The following PACSIN2 variants were observed in gnomAD, a reference collection of about 807,000 sequenced individuals.
The protein encoded by PACSIN2 is protein kinase C and casein kinase substrate in neurons 2.
A neutral mutation model predicts 63.8 loss-of-function variants in PACSIN2; 25 were observed. That is an observed-to-expected ratio of 0.39 (90% CI 0.29 to 0.55). The LOEUF is 0.55. Among genes scored for constraint, PACSIN2 ranks in the 20% least tolerant of loss-of-function variants. The probability of loss-of-function intolerance (pLI) is 0.62; values close to 1 mark genes in which losing one functional copy is unlikely to be tolerated. For synonymous variants in PACSIN2, 255 were observed against 256.2 expected (o/e 1.00, Z 0.05); for missense variants, 518 against 646.9 (o/e 0.80, Z 2.16).
intron 1 of PACSIN2, among the ~76,000 whole-genome samples, chr22:42,963,015 G>C (rs944952902): frequency 6.6e-6 from 1 of 152,184 alleles, no homozygotes; most frequent in Non-Finnish European, 1.5e-5. Context: ...TTTAGGTGAT[G>C]CTGGGACAGA....
chr22:42,915,084 T>C (rs1931725473), intron 1 of PACSIN2, among the ~76,000 whole-genome samples: 2 of 152,058 alleles, frequency 1.3e-5, no homozygotes, highest in South Asian at 4.1e-4. Flanking sequence ...CCCAGACTGG[T>C]CTCAAACTCC....
intron 1 of PACSIN2, among the ~76,000 whole-genome samples, chr22:42,989,891 C>A (rs551736365): frequency 2.0e-5 from 3 of 148,498 alleles, no homozygotes; most frequent in African/African-American, 5.0e-5. Context: ...TATATACACA[C>A]ACACACACAT....
intron 6 of PACSIN2, among the ~76,000 whole-genome samples, 194 bp downstream of exon 6, chr22:42,884,192 G>A (rs1929295886): frequency 6.6e-6 from 1 of 152,152 alleles, no homozygotes; most frequent in Non-Finnish European, 1.5e-5. Context: ...GGCCATGCCT[G>A]CAGCTGCAGA....
chr22:42,994,437 G>A (rs545048489), intron 1 of PACSIN2, among the ~76,000 whole-genome samples: 1 of 152,238 alleles, frequency 6.6e-6, no homozygotes, highest in East Asian at 1.9e-4. Flanking sequence ...CCTCGGGCGT[G>A]CTTATGGGGA....
At chr22:42,978,331 C>T (rs1040875422) in intron 1 of PACSIN2, among the ~76,000 whole-genome samples, 7 of 152,202 alleles carry the variant, frequency 4.6e-5, no homozygotes, top group African/African-American at 1.7e-4. Context: ...TACCACCTAG[C>T]TGTTTATACA....
Position 42,911,539 on chromosome 22 carries a change from G to A in PACSIN2, c.60+482C>T, listed in dbSNP as rs1256446230. Among the ~76,000 whole-genome samples the A allele has an allele frequency of 2.0e-5, 3 of 152,212 alleles. No individual in the cohort carries two copies. The East Asian group carries it at 5.8e-4, about 29-fold the overall frequency. ...TCCAATCAGGAAGAGGGCCACTCATGGGTACAGACTGGCGGCAGATGCTCC... is the reference window on the plus strand; with the variant it reads ...TCCAATCAGGAAGAGGGCCACTCATAGGTACAGACTGGCGGCAGATGCTCC... On this transcript the variant is annotated intron_variant, in intron 2 of 10. Coordinates refer to ENST00000263246, the MANE Select transcript of PACSIN2 (RefSeq NM_001184970.3).
chr22:42,970,283 T>G (rs1921157221), intron 1 of PACSIN2, among the ~76,000 whole-genome samples: 1 of 152,190 alleles, frequency 6.6e-6, no homozygotes, highest in South Asian at 2.1e-4. Flanking sequence ...GATGATGTAA[T>G]GAAAAGGGCA....
intron 1 of PACSIN2, among the ~76,000 whole-genome samples, chr22:42,974,762 AAAAG>A (rs1200252564): frequency 1.3e-5 from 2 of 151,096 alleles, no homozygotes; most frequent in East Asian, 3.9e-4. Context: ...AAAAAAAAAA[AAAAG>A]AAAAGAAAAG....
At chr22:42,896,615 G>GACAT (rs1234803663) in intron 2 of PACSIN2, among the ~76,000 whole-genome samples, 2 of 152,170 alleles carry the variant, frequency 1.3e-5, no homozygotes, top group Non-Finnish European at 2.9e-5. Context: ...CTTTTGTGGG[G>GACAT]ACATAAGCTT....
intron 1 of PACSIN2, among the ~76,000 whole-genome samples, chr22:42,971,228 G>GGC (rs1178179574): frequency 2.0e-5 from 3 of 152,224 alleles, no homozygotes; most frequent in African/African-American, 7.2e-5. Flanking sequence ...TGGGATTGCA[G>GGC]GCGCGCGCCG....
intron 1 of PACSIN2, among the ~76,000 whole-genome samples, chr22:42,989,317 T>C (rs1482843905): frequency 6.6e-6 from 1 of 151,866 alleles, no homozygotes; most frequent in Middle Eastern, 3.2e-3. Flanking sequence ...GCCAACATGA[T>C]GAAACCCCAT....
At chr22:42,893,895 T>C (rs914877177) in intron 2 of PACSIN2, among the ~76,000 whole-genome samples, 3 of 152,080 alleles carry the variant, frequency 2.0e-5, no homozygotes, top group African/African-American at 7.2e-5. Flanking sequence ...GGAGGCTGAC[T>C]GGCTCAGGAA....
At chr22:43,013,689 G>A (rs114106081) in intron 1 of PACSIN2, among the ~76,000 whole-genome samples, 4 of 152,338 alleles carry the variant, frequency 2.6e-5, no homozygotes, top group African/African-American at 7.2e-5. Flanking sequence ...AACCGCAGAG[G>A]AAGGCACCGA....
chr22:42,925,327 A>G (rs1460839292), intron 1 of PACSIN2, among the ~76,000 whole-genome samples: 1 of 151,990 alleles, frequency 6.6e-6, no homozygotes, highest in East Asian at 1.9e-4. Flanking sequence ...TAAAAATACA[A>G]AAATTAGCTG....
chr22:42,939,664 G>A (rs1569299856), intron 1 of PACSIN2, among the ~76,000 whole-genome samples: 1 of 152,174 alleles, frequency 6.6e-6, no homozygotes, highest in South Asian at 2.1e-4. Context: ...TGGAAGGATG[G>A]AGTCAGGAGA....
intron 1 of PACSIN2, among the ~76,000 whole-genome samples, chr22:43,013,814 C>T (rs1291889766): frequency 2.8e-4 from 42 of 152,152 alleles, no homozygotes; most frequent in Admixed American, 2.7e-3. Context: ...AAACAGTGTA[C>T]CAAGTAGCCC....
intron 10 of PACSIN2, among the ~76,000 whole-genome samples, chr22:42,872,133 C>T (rs1928197338): frequency 6.6e-6 from 1 of 152,314 alleles, no homozygotes; most frequent in Non-Finnish European, 1.5e-5. Context: ...CCTGAAGGAC[C>T]TCCTACTTCT....
chr22:42,888,498 CCTT>C, intron 5 of PACSIN2, 142 bp downstream of exon 5: 1 of 751,148 alleles, frequency 1.3e-6, no homozygotes, highest in South Asian at 1.7e-5. Context: ...TCACCTGTGG[CCTT>C]CTTGAGGACA....
intron 1 of PACSIN2, among the ~76,000 whole-genome samples, chr22:42,922,517 C>T (rs1306363011): frequency 6.6e-6 from 1 of 152,238 alleles, no homozygotes; most frequent in Admixed American, 6.5e-5. Flanking sequence ...AGGTGGACAT[C>T]CTCGCTGCCA....
Sources: allele counts gnomAD v4.1 joint callset (sites outside exome capture counted in the v4.1 genomes callset), GRCh38; gene constraint gnomAD v4.1.1; transcripts MANE v1.5; gene names NCBI Gene and HGNC (gene_info 2026-07-23, HGNC 2026-07-21).